The following SAMD12 variants were observed in gnomAD, a reference collection of about 807,000 sequenced individuals.
The protein encoded by SAMD12 is sterile alpha motif domain containing 12, also known as sterile alpha motif domain-containing protein 12.
In SAMD12, 9 loss-of-function variants were observed where a neutral mutation model predicts 15.0. The observed-to-expected ratio is 0.60, with a 90% confidence interval of 0.36 to 1.05. The LOEUF (loss-of-function observed/expected upper bound fraction) is 1.05. Among genes scored for constraint, SAMD12 ranks in the 50% least tolerant of loss-of-function variants. SAMD12 has a pLI of 0.01. For missense variants in SAMD12, 230 were observed against 234.2 expected (o/e 0.98, Z 0.12); for synonymous variants, 86 against 90.1 (o/e 0.96, Z 0.25).
chr8:118,354,878 C>T (rs1044967021), intron 4 of SAMD12, among the ~76,000 whole-genome samples: 3 of 152,162 alleles, frequency 2.0e-5, no homozygotes, highest in Admixed American at 2.0e-4. Flanking sequence ...CCAGAGAGTG[C>T]TTGGCACCCA....
chr8:118,469,684 T>C (rs1823734886), intron 2 of SAMD12, among the ~76,000 whole-genome samples: 1 of 145,338 alleles, frequency 6.9e-6, no homozygotes, highest in Admixed American at 7.3e-5. Flanking sequence ...TGCCTCAGCC[T>C]CCCGAGTAGC....
intron 1 of SAMD12, among the ~76,000 whole-genome samples, chr8:118,613,754 T>C (rs867028545): frequency 2.0e-5 from 3 of 152,302 alleles, no homozygotes; most frequent in Middle Eastern, 3.4e-3. Flanking sequence ...TATTTTCTCT[T>C]TTGCAAGATC....
intron 4 of SAMD12, among the ~76,000 whole-genome samples, chr8:118,358,725 G>C (rs777876201): frequency 3.9e-5 from 6 of 152,108 alleles, no homozygotes; most frequent in Non-Finnish European, 8.8e-5. Flanking sequence ...ATAAATGACA[G>C]GAAGAGAGGC....
intron 2 of SAMD12, among the ~76,000 whole-genome samples, chr8:118,478,097 A>G (rs1030361367): frequency 1.3e-5 from 2 of 151,858 alleles, no homozygotes; most frequent in Admixed American, 6.6e-5. Flanking sequence ...ATATGCCTTC[A>G]TTTATATTCT....
At chr8:118,327,347 C>T (rs977706957) in intron 4 of SAMD12, among the ~76,000 whole-genome samples, 4 of 152,158 alleles carry the variant, frequency 2.6e-5, no homozygotes, top group South Asian at 2.1e-4. Flanking sequence ...TCTCCTCTTC[C>T]GAGGCTTGAA....
At chr8:118,566,593 T>C (rs1826858886) in intron 2 of SAMD12, among the ~76,000 whole-genome samples, 1 of 152,004 alleles carries the variant, frequency 6.6e-6, no homozygotes, top group South Asian at 2.1e-4. Context: ...TAAAAGGGGG[T>C]TAAATGATAT....
At position 118,212,062 on chromosome 8, in the gene SAMD12, TTGTGTG is replaced by T. The variant is rs35939969; in HGVS notation, c.434-14336_434-14331del. On this transcript the variant is annotated intron_variant, in intron 4 of 4. Coordinates refer to the SAMD12 transcript ENST00000409003. ...AAGATTTGTGTGTGTGTTGCAGATT[TTGTGTG>T]TGTGTGTGTGTGTGTTTGTGTGAAC... Among the ~76,000 whole-genome samples, 353 of 150,854 alleles carry T rather than the reference TTGTGTG, an allele frequency of 2.3e-3. 1 individual carries two copies. The highest frequency in any genetic ancestry group is 7.4e-3 in the African/African-American group (305 of 41,120).
At chr8:118,346,989 G>A (rs533597231) in intron 4 of SAMD12, among the ~76,000 whole-genome samples, 6 of 152,242 alleles carry the variant, frequency 3.9e-5, no homozygotes, top group South Asian at 4.1e-4. Flanking sequence ...CTGCAGCCCC[G>A]AATTCCCGGA....
chr8:118,544,909 G>A (rs192110058), intron 2 of SAMD12, among the ~76,000 whole-genome samples: 6 of 152,268 alleles, frequency 3.9e-5, no homozygotes, highest in Admixed American at 6.5e-5. Context: ...GACATATAAC[G>A]AAGAGAAGAA....
chr8:118,492,653 T>A (rs946599301), intron 2 of SAMD12, among the ~76,000 whole-genome samples: 2 of 152,032 alleles, frequency 1.3e-5, no homozygotes, highest in Non-Finnish European at 2.9e-5. Context: ...GCCCAGTATA[T>A]CCCCCAGTTA....
chr8:118,621,710 T>C (rs1051914059), intron 1 of SAMD12, 94 bp downstream of exon 1: 40 of 1,451,298 alleles, frequency 2.8e-5, no homozygotes, highest in Non-Finnish European at 3.6e-5. Flanking sequence ...CCCCCTTTCC[T>C]CGCCTCCCCA....
chr8:118,546,083 T>C (rs753510416), intron 2 of SAMD12, among the ~76,000 whole-genome samples: 8 of 152,120 alleles, frequency 5.3e-5, no homozygotes, highest in Non-Finnish European at 8.8e-5. Context: ...TCCAAACAAA[T>C]GCCATCATTC....
intron 2 of SAMD12, among the ~76,000 whole-genome samples, chr8:118,513,381 G>A (rs1825140440): frequency 6.6e-6 from 1 of 152,356 alleles, no homozygotes; most frequent in Non-Finnish European, 1.5e-5. Flanking sequence ...AGGAAAAGCT[G>A]TGGGGATTGC....
At chr8:118,177,272 A>T in the SAMD12 span, among the ~76,000 whole-genome samples, 2 of 146,908 alleles carry the variant, frequency 1.4e-5, no homozygotes, top group Admixed American at 6.8e-5. Flanking sequence ...ACAAGATCTC[A>T]TTCTGTCACC....
At chr8:118,301,782 T>C (rs1287718457) in intron 4 of SAMD12, among the ~76,000 whole-genome samples, 1 of 152,208 alleles carries the variant, frequency 6.6e-6, no homozygotes, top group Admixed American at 6.5e-5. Context: ...TCTCCTCTTC[T>C]GCATTTCTAC....
intron 3 of SAMD12, among the ~76,000 whole-genome samples, chr8:118,398,393 T>C (rs1280626059): frequency 6.6e-6 from 1 of 152,104 alleles, no homozygotes; most frequent in East Asian, 1.9e-4. Context: ...AATGAGAATC[T>C]GTCTCAAAAA....
exon 5 of SAMD12, chr8:118,195,072 T>C (rs1248967757): frequency 1.3e-5 from 2 of 152,214 alleles, no homozygotes; most frequent in Non-Finnish European, 2.9e-5. Flanking sequence ...AGGTCCCTCT[T>C]CACCCATCAT....
At chr8:118,442,787 C>T (rs1273745893) in intron 2 of SAMD12, among the ~76,000 whole-genome samples, 1 of 152,150 alleles carries the variant, frequency 6.6e-6, no homozygotes, top group Admixed American at 6.6e-5. Flanking sequence ...CTAATCACAT[C>T]TTTTGAAAAC....
chr8:118,404,901 A>G lies in SAMD12; in HGVS notation c.323-25201T>C, dbSNP rs1243148535. ...GGTCTTGAACTCCTGGGCTCAAGTA[A>G]TTCTCCCACCATAACCTCCCAAAGT... is the stretch of plus-strand genomic sequence containing the variant. On this transcript the variant is annotated intron_variant, in intron 3 of 3. Transcript: ENST00000314727. Among the ~76,000 whole-genome samples the G allele has an allele frequency of 3.9e-5, 6 of 152,200 alleles. No individual in the cohort carries two copies. In the South Asian group the frequency reaches 1.0e-3, roughly 26 times the overall value.
Sources: allele counts gnomAD v4.1 joint callset (sites outside exome capture counted in the v4.1 genomes callset), GRCh38; gene constraint gnomAD v4.1.1; transcripts MANE v1.5; gene names NCBI Gene and HGNC (gene_info 2026-07-23, HGNC 2026-07-21).